Variants in PUM3 observed in about 807,000 individuals in gnomAD.
PUM3 encodes pumilio RNA binding family member 3, also known as pumilio homolog 3.
A neutral mutation model predicts 84.0 loss-of-function variants in PUM3; 91 were observed. The observed-to-expected ratio is 1.08, with a 90% confidence interval of 0.91 to 1.29. The LOEUF is 1.29. Among genes scored for constraint, PUM3 ranks in the 50% most tolerant of loss-of-function variants. The pLI, the probability that PUM3 is intolerant of heterozygous loss-of-function variation, is 0.00. For synonymous variants in PUM3, 321 were observed against 266.7 expected (o/e 1.20, Z -1.98); for missense variants, 1,067 against 767.5 (o/e 1.39, Z -4.61).
At chr9:2,831,099 T>G in intron 6 of PUM3, 71 bp from the exon 7 acceptor site, 1 of 999,092 alleles carries the variant, frequency 1.0e-6, no homozygotes, top group South Asian at 1.4e-5. Flanking sequence ...GGGAGGAAAT[T>G]TGTCCCAGGC....
chr9:2,829,851 A>G lies in PUM3; in HGVS notation c.775T>C (p.Tyr259His), dbSNP rs1343607082. Reference protein sequence around the residue: ...AEASAIVEYAYNDKAILEQRN... With the variant: ...AEASAIVEYAHNDKAILEQRN... The stretch of plus-strand genomic sequence containing the variant: ...TGCTCCAAAATGGCTTTGTCATTGT[A>G]TGCGTACTCCACGATGGCTGATGCT... Residue 259 changes from tyrosine (Y) to histidine (H), a missense_variant, in exon 8 of 18, where the codon TAC (tyrosine) becomes CAC (histidine). Coordinates refer to ENST00000397885, the MANE Select transcript of PUM3 (RefSeq NM_014878.5). 1 of 1,614,158 alleles carries G rather than the reference A, an allele frequency of 6.2e-7. No homozygotes were observed. Among genetic ancestry groups the G allele is most frequent in the Middle Eastern group, 1.6e-4 (1 of 6,062 alleles).
intron 16 of PUM3, among the ~76,000 whole-genome samples, chr9:2,809,673 G>A (rs1821326701): frequency 6.6e-6 from 1 of 152,166 alleles, no homozygotes; most frequent in Admixed American, 6.5e-5. Context: ...CTCTCCAGTG[G>A]TTTAAATACC....
intron 5 of PUM3, among the ~76,000 whole-genome samples, chr9:2,832,363 C>A (rs1040951072): frequency 2.6e-5 from 4 of 152,074 alleles, no homozygotes; most frequent in African/African-American, 9.7e-5. Context: ...CTCTATTACC[C>A]CGAGGAAGAA....
chr9:2,836,801 G>C (rs931233159), intron 3 of PUM3, among the ~76,000 whole-genome samples: 2 of 151,874 alleles, frequency 1.3e-5, no homozygotes, highest in African/African-American at 4.8e-5. Context: ...GATTATTTTT[G>C]TGTGTGTGCG....
At chr9:2,835,664 C>A (rs1384477269) in intron 3 of PUM3, among the ~76,000 whole-genome samples, 2 of 152,124 alleles carry the variant, frequency 1.3e-5, no homozygotes, top group East Asian at 1.9e-4. Context: ...AGGATAGGAA[C>A]TGATCCAGGG....
At chr9:2,807,779 G>C in intron 17 of PUM3, 35 bp downstream of exon 17, 1 of 1,334,978 alleles carries the variant, frequency 7.5e-7, no homozygotes, top group Non-Finnish European at 1.1e-6. Flanking sequence ...TGCATGACCA[G>C]GCCCTGCTCA....
At chr9:2,829,581 C>T (rs1815916635) in intron 8 of PUM3, among the ~76,000 whole-genome samples, 193 bp downstream of exon 8, 1 of 152,252 alleles carries the variant, frequency 6.6e-6, no homozygotes, top group East Asian at 1.9e-4. Context: ...AAAGCCAATG[C>T]TCTGGAGAAA....
In PUM3 at chr9:2,811,514, C is replaced by T. The variant is rs1046579222; in HGVS notation, c.1482G>A (p.Leu494=). ...GCACCACTTCTTGGGCGTGTTCTTGCAGGTAGCTTAACAAAGCTGGAGAAA... is the reference window on the plus strand; with the variant it reads ...GCACCACTTCTTGGGCGTGTTCTTGTAGGTAGCTTAACAAAGCTGGAGAAA... ...ESISPALLSY[L]QEHAQEVVLD... is the part of the protein sequence containing the mutation. Residue 494 remains leucine, a synonymous_variant, in exon 15 of 18, where the codon CTG becomes CTA. Coordinates refer to ENST00000397885, the MANE Select transcript of PUM3 (RefSeq NM_014878.5). The T allele has an allele frequency of 2.5e-6, 4 of 1,614,164 alleles. No homozygotes were observed. The highest frequency in any genetic ancestry group is 3.4e-6 in the Non-Finnish European group (4 of 1,180,030).
intron 9 of PUM3, among the ~76,000 whole-genome samples, chr9:2,827,815 C>T (rs541469918): frequency 6.2e-4 from 95 of 152,284 alleles, no homozygotes; most frequent in Middle Eastern, 3.4e-3. Flanking sequence ...CACAAAATTC[C>T]TATGAAGTCT....
Position 2,830,931 on chromosome 9 carries a change from AAAAATGTATTTTATACAT to A in PUM3, c.677+13_677+30del. 2 of 1,119,292 alleles carry A rather than the reference AAAAATGTATTTTATACAT, an allele frequency of 1.8e-6. No homozygotes were observed. The highest frequency in any genetic ancestry group is 2.7e-6 in the Non-Finnish European group (2 of 750,024). The allele number at this position is 1,119,292 out of a possible 1,614,324, so 69.3% of individuals were successfully genotyped here. A position where few individuals can be genotyped will look rare whatever the true frequency, so the allele number is the denominator to read the frequency against. On this transcript the variant is annotated intron_variant, in intron 7 of 17. Coordinates refer to ENST00000397885, the MANE Select transcript of PUM3 (RefSeq NM_014878.5). ...AAACCATGTCTTCAAAAGACAAAGA[AAAAATGTATTTTATACAT>A]AAAACAACTTACCCATACATGAGAA...
At chr9:2,829,977 A>G (rs764318399) in intron 7 of PUM3, 29 bp from the exon 8 acceptor site, 2 of 1,584,616 alleles carry the variant, frequency 1.3e-6, no homozygotes, top group Admixed American at 3.5e-5. Context: ...TGGAAAAATA[A>G]ATGATAGAAG....
Position 2,807,923 on chromosome 9 carries a change from C to G in PUM3, c.1724-19G>C. On this transcript the variant is annotated intron_variant, in intron 16 of 17. Transcript: ENST00000397885. ...AAACAACCTGTAAAATATACTGAAG[C>G]TTAGTGAACATCACATAATAAGATA... The G allele has an allele frequency of 6.7e-7, 1 of 1,484,132 alleles. No homozygotes were observed. The highest frequency in any genetic ancestry group is 1.4e-5 in the African/African-American group (1 of 72,624). The allele number at this position is 1,484,132 out of a possible 1,614,324, so 91.9% of individuals were successfully genotyped here. A position where few individuals can be genotyped will look rare whatever the true frequency, so the allele number is the denominator to read the frequency against.
chr9:2,807,691 T>C, intron 17 of PUM3, 123 bp downstream of exon 17: 1 of 596,146 alleles, frequency 1.7e-6, no homozygotes, highest in African/African-American at 1.9e-5. Flanking sequence ...GTCTAGACCA[T>C]GAGTGACTGG....
At chr9:2,836,020 C>A (rs1816110461) in intron 3 of PUM3, among the ~76,000 whole-genome samples, 1 of 151,830 alleles carries the variant, frequency 6.6e-6, no homozygotes, top group Non-Finnish European at 1.5e-5. Context: ...GGAAGAGAAA[C>A]TTCTGGCAAT....
At chr9:2,820,169 A>G in intron 12 of PUM3, 71 bp from the exon 13 acceptor site, 2 of 832,380 alleles carry the variant, frequency 2.4e-6, no homozygotes, top group South Asian at 1.5e-5. Flanking sequence ...CACACATGGA[A>G]TATCTTCATA....
chr9:2,828,753 T>G lies in PUM3; in HGVS notation c.878A>C (p.Lys293Thr). Residue 293 changes from lysine to threonine, a missense_variant, in exon 9 of 18, where the codon AAA becomes ACA. By Grantham distance (78) the Lys-to-Thr change is moderately conservative. Transcript: ENST00000397885. ...YKSADHRTLDKVLEVQPEKLE... is the reference protein window; with the variant it reads ...YKSADHRTLDTVLEVQPEKLE... ...TTTTTCTGGCTGTACCTCTAACACTTTGTCCAGAGTTCGGTGATCTGCTGA... is the reference window on the plus strand; with the variant it reads ...TTTTTCTGGCTGTACCTCTAACACTGTGTCCAGAGTTCGGTGATCTGCTGA... 1.2e-6 allele frequency: 2 copies of G among 1,602,624 alleles called. No homozygotes were observed. The highest frequency in any genetic ancestry group is 1.7e-6 in the Non-Finnish European group (2 of 1,169,804).
At chr9:2,837,029 T>C (rs539085187) in intron 3 of PUM3, 151 bp downstream of exon 3, 3 of 670,114 alleles carry the variant, frequency 4.5e-6, no homozygotes, top group African/African-American at 3.6e-5. Context: ...ATTGTGAGCA[T>C]GAAAGATGCT....
intron 1 of PUM3, 57 bp from the exon 2 acceptor site, chr9:2,838,574 G>A (rs1370717657): frequency 2.8e-6 from 3 of 1,071,882 alleles, no homozygotes; most frequent in Non-Finnish European, 4.3e-6. Context: ...CATCAAATAA[G>A]AGCTGTTTCA....
intron 3 of PUM3, among the ~76,000 whole-genome samples, chr9:2,836,819 G>C: frequency 6.6e-6 from 1 of 152,094 alleles, no homozygotes; most frequent in East Asian, 1.9e-4. Flanking sequence ...GCGTGTGTGT[G>C]TGTGTGTTTT....
Sources: gnomAD v4.1 joint callset for allele counts (sites outside exome capture counted in the v4.1 genomes callset) on GRCh38, gnomAD v4.1.1 for gene constraint, MANE v1.5 for transcripts, NCBI Gene and HGNC (gene_info 2026-07-23, HGNC 2026-07-21) for gene names.